The following TOM1 variants were observed in gnomAD, a reference collection of about 807,000 sequenced individuals.
The protein encoded by TOM1 is target of myb1 membrane trafficking protein.
Under a neutral mutation model 61.3 loss-of-function variants are expected in TOM1, and 38 were observed. The observed-to-expected ratio is 0.62, with a 90% CI of 0.48 to 0.81. The LOEUF is 0.81. Among genes scored for constraint, TOM1 ranks in the 40% least tolerant of loss-of-function variants. TOM1 has a pLI of 0.00. For missense variants in TOM1, 591 were observed against 659.6 expected (o/e 0.90, Z 1.14); for synonymous variants, 270 against 268.8 (o/e 1.00, Z -0.04).
intron 1 of TOM1, among the ~76,000 whole-genome samples, chr22:35,310,232 G>A (rs1926701503): frequency 6.6e-6 from 1 of 152,140 alleles, no homozygotes; most frequent in South Asian, 2.1e-4. Flanking sequence ...GGATGTTGGA[G>A]GACAGATTAA....
intron 11 of TOM1, among the ~76,000 whole-genome samples, chr22:35,334,711 G>C (rs547320576): frequency 1.3e-5 from 2 of 152,208 alleles, no homozygotes; most frequent in Non-Finnish European, 2.9e-5. Flanking sequence ...AGTCTGATCA[G>C]AGGGGGAAAC....
At chr22:35,331,651 A>G (rs936100975) in intron 8 of TOM1, among the ~76,000 whole-genome samples, 1 of 152,132 alleles carries the variant, frequency 6.6e-6, no homozygotes, top group Admixed American at 6.5e-5. Flanking sequence ...TGGGAGGCTG[A>G]GCCGGGAGGA....
At chr22:35,337,158 G>A (rs1199117121) in intron 11 of TOM1, among the ~76,000 whole-genome samples, 8 of 152,084 alleles carry the variant, frequency 5.3e-5, no homozygotes, top group Non-Finnish European at 8.8e-5. Flanking sequence ...GCATGGTCTC[G>A]ATCTCCTGAC....
intron 3 of TOM1, chr22:35,322,735 C>T (rs1463728038): frequency 4.3e-5 from 16 of 375,412 alleles, no homozygotes; most frequent in Non-Finnish European, 6.3e-5. Context: ...TCTCTCTAGA[C>T]CATGTTTAGC....
chr22:35,324,967 C>G (rs1928182991), intron 6 of TOM1, among the ~76,000 whole-genome samples: 1 of 151,954 alleles, frequency 6.6e-6, no homozygotes, highest in Non-Finnish European at 1.5e-5. Context: ...CACTTCCTTC[C>G]TCCTCATGGC....
intron 8 of TOM1, 141 bp from the exon 9 acceptor site, chr22:35,332,840 A>G (rs1299177827): frequency 1.2e-6 from 1 of 841,028 alleles, no homozygotes; most frequent in Non-Finnish European, 2.1e-6. Context: ...GGATCTGTCC[A>G]GGGCACACCA....
At chr22:35,311,446 CTT>C (rs1289763967) in intron 1 of TOM1, among the ~76,000 whole-genome samples, 2 of 152,238 alleles carry the variant, frequency 1.3e-5, no homozygotes, top group African/African-American at 2.4e-5. Flanking sequence ...CAGCCAGACT[CTT>C]TCTTGTTCTG....
intron 11 of TOM1, among the ~76,000 whole-genome samples, chr22:35,335,149 C>T (rs192181175): frequency 3.3e-4 from 50 of 152,284 alleles, no homozygotes; most frequent in Non-Finnish European, 5.9e-4. Flanking sequence ...GAGGAACAGT[C>T]TGCTTGATGT....
chr22:35,304,124 G>A (rs535738231), intron 1 of TOM1, among the ~76,000 whole-genome samples: 29 of 152,196 alleles, frequency 1.9e-4, no homozygotes, highest in African/African-American at 4.3e-4. Context: ...AGAAAGCATC[G>A]CTTTCCAGGG....
At chr22:35,307,653 G>A (rs1469111808) in intron 1 of TOM1, among the ~76,000 whole-genome samples, 5 of 152,176 alleles carry the variant, frequency 3.3e-5, no homozygotes, top group African/African-American at 4.8e-5. Context: ...ACTGGGCCTC[G>A]CTCCTGCTGG....
At chr22:35,305,526 G>A (rs963427101) in intron 1 of TOM1, among the ~76,000 whole-genome samples, 2 of 152,156 alleles carry the variant, frequency 1.3e-5, no homozygotes, top group African/African-American at 4.8e-5. Context: ...TGGACGTGGT[G>A]GCACACGCCT....
At chr22:35,326,818 G>C (rs988849720) in intron 6 of TOM1, among the ~76,000 whole-genome samples, 1 of 151,722 alleles carries the variant, frequency 6.6e-6, no homozygotes, top group Non-Finnish European at 1.5e-5. Context: ...AGGAGAGAGA[G>C]GGGGGGATCC....
chr22:35,302,330 C>CTTTTTTTTTTTTTTTTTTTTTTTTTTTT (rs138734), intron 1 of TOM1, among the ~76,000 whole-genome samples: 10 of 70,912 alleles, frequency 1.4e-4, no homozygotes, highest in Non-Finnish European at 2.0e-4. Flanking sequence ...TTTTCTTTTT[C>CTTTTTTTTTTTTTTTTTTTTTTTTTTTT]TTTTTTTTTT....
At chr22:35,318,079 C>A in intron 2 of TOM1, 118 bp downstream of exon 2, 1 of 903,054 alleles carries the variant, frequency 1.1e-6, no homozygotes, top group South Asian at 1.4e-5. Flanking sequence ...GCCACCAAGT[C>A]TGACCCAACC....
chr22:35,302,379 A>G (rs1446682799), intron 1 of TOM1, among the ~76,000 whole-genome samples: 3 of 120,240 alleles, frequency 2.5e-5, no homozygotes, highest in Non-Finnish European at 4.8e-5. Flanking sequence ...CTTGTTGCCC[A>G]GGCTGGGGTG....
chr22:35,313,610 C>T (rs1258225369), intron 1 of TOM1, among the ~76,000 whole-genome samples: 1 of 152,214 alleles, frequency 6.6e-6, no homozygotes, highest in Non-Finnish European at 1.5e-5. Flanking sequence ...GATCTTTGCC[C>T]ACATTCTATG....
At chr22:35,316,481 G>A (rs191229582) in intron 1 of TOM1, among the ~76,000 whole-genome samples, 14 of 152,288 alleles carry the variant, frequency 9.2e-5, no homozygotes, top group South Asian at 6.2e-4. Context: ...GAGTTCCTGC[G>A]TTCATCATTC....
chr22:35,322,632 G>C (rs925659530), intron 3 of TOM1: 2 of 210,108 alleles, frequency 9.5e-6, no homozygotes, highest in Non-Finnish European at 1.9e-5. Flanking sequence ...AGTGGAGAGT[G>C]GGGAGGGAAG....
intron 8 of TOM1, chr22:35,331,284 T>C (rs780817226): frequency 2.2e-5 from 10 of 449,252 alleles, no homozygotes; most frequent in South Asian, 6.3e-5. Flanking sequence ...TTTTTTTTTT[T>C]TCTTTTTGCA....
Sources: allele counts gnomAD v4.1 joint callset (sites outside exome capture counted in the v4.1 genomes callset), GRCh38; gene constraint gnomAD v4.1.1; transcripts MANE v1.5; gene names NCBI Gene and HGNC (gene_info 2026-07-23, HGNC 2026-07-21).